GNE: variants seen among roughly 807,000 people sequenced by gnomAD.
GNE encodes the protein bifunctional UDP-N-acetylglucosamine 2-epimerase/N-acetylmannosamine kinase.
In GNE, 41 loss-of-function variants were observed where a neutral mutation model predicts 61.8. The ratio of observed to expected loss-of-function variants is 0.66; its 90% CI spans 0.52 to 0.86. The LOEUF (loss-of-function observed/expected upper bound fraction) is 0.86. GNE is among the 40% of genes least tolerant of loss of function. GNE has a pLI of 0.00. For missense variants in GNE, 608 were observed against 909.1 expected, an observed-to-expected ratio of 0.67 and a Z score of 4.26; for synonymous variants, 264 against 326.4, an observed-to-expected ratio of 0.81 and a Z score of 2.06.
At chr9:36,260,865 T>C (rs1281988441), upstream of GNE, among the ~76,000 whole-genome samples, 6 of 48,560 alleles carry the variant, frequency 1.2e-4, 1 homozygote, top group Admixed American at 1.7e-3. Flanking sequence ...CGAGACTCTA[T>C]CTCAAAAAAA....
intron 1 of GNE, among the ~76,000 whole-genome samples, chr9:36,271,390 T>C (rs1831023623): frequency 6.6e-6 from 1 of 152,238 alleles, no homozygotes; most frequent in African/African-American, 2.4e-5. Flanking sequence ...TCATTTTGTT[T>C]TGAGACCGAG....
chr9:36,232,335 CG>C (rs1563937143), intron 5 of GNE, among the ~76,000 whole-genome samples: 25 of 91,950 alleles, frequency 2.7e-4, no homozygotes, highest in African/African-American at 7.6e-4. Context: ...CTTGCCCCCC[CG>C]CCCCCCCTCC....
intron 5 of GNE, among the ~76,000 whole-genome samples, chr9:36,232,345 C>A (rs672015): frequency 0.51 from 64,045 of 125,162 alleles, 14,398 homozygotes; most frequent in Middle Eastern, 0.59. Flanking sequence ...CGCCCCCCCT[C>A]CCGACATTCC....
intron 3 of GNE, among the ~76,000 whole-genome samples, chr9:36,244,721 A>G (rs953293794): frequency 6.7e-6 from 1 of 148,846 alleles, no homozygotes; most frequent in African/African-American, 2.5e-5. Flanking sequence ...GCGGATTATG[A>G]GGTCAGGAGT....
Position 36,218,093 on chromosome 9 carries a change from G to C in GNE, c.1933+90C>G. The C allele has an allele frequency of 1.2e-6, 1 of 863,496 alleles. No homozygotes were observed. The highest frequency in any genetic ancestry group is 2.0e-6 in the Non-Finnish European group (1 of 496,810). 53.5% of individuals were successfully genotyped at this position (863,496 alleles called of 1,614,324 possible). ...AGACACTGCAAAGCACCTGTCCCTA[G>C]GGAAGCAGGGTCTCTTCTGGGGCCG... On this transcript the variant is annotated intron_variant, in intron 11 of 11. Transcript: ENST00000642385. This position sits in a 1 kb window ranked among gnomAD's most constrained non-coding sequence, Gnocchi z 4.1.
chr9:36,263,331 C>T (rs373598683), upstream of GNE: 10 of 222,878 alleles, frequency 4.5e-5, no homozygotes, highest in East Asian at 8.2e-4. Context: ...TCACCGCGCC[C>T]GGCTAATTTT....
chr9:36,234,656 T>C (rs1829319970), intron 4 of GNE, among the ~76,000 whole-genome samples: 1 of 152,086 alleles, frequency 6.6e-6, no homozygotes. Flanking sequence ...CATGACTTAA[T>C]AAAAATTTAA....
intron 1 of GNE, among the ~76,000 whole-genome samples, chr9:36,269,957 C>T (rs1365400868): frequency 2.0e-5 from 3 of 152,112 alleles, no homozygotes; most frequent in South Asian, 2.1e-4. Flanking sequence ...CCACCGCGCC[C>T]GGCCGGTTGT....
upstream of GNE, chr9:36,258,484 G>T: frequency 3.0e-6 from 3 of 985,532 alleles, no homozygotes; most frequent in Non-Finnish European, 3.6e-6. Flanking sequence ...CTCCTCGCTC[G>T]CCCAGCCACG....
chr9:36,224,681 G>A (rs376709981), intron 7 of GNE, among the ~76,000 whole-genome samples: 9 of 152,008 alleles, frequency 5.9e-5, no homozygotes, highest in East Asian at 1.9e-4. Context: ...ACCAGCCTGC[G>A]CAATAAGAGG....
chr9:36,215,755 C>G lies in GNE; in HGVS notation c.*1610G>C, dbSNP rs1277840734. On this transcript the variant is annotated 3_prime_UTR_variant, in exon 12 of 12. Coordinates refer to ENST00000642385, the MANE Select transcript of GNE (RefSeq NM_005476.7). ...CCAAGTTAACAATTCATAGCCAGAA[C>G]TTTGGCTTTTGTATTTTGACACCAA... 1 of 152,374 alleles carries G rather than the reference C, an allele frequency of 6.6e-6. No individual in the cohort carries two copies. Among genetic ancestry groups the G allele is most frequent in the Non-Finnish European group, 1.5e-5 (1 of 68,210 alleles). 9.4% of individuals were successfully genotyped at this position (152,374 alleles called of 1,614,324 possible).
At chr9:36,264,010 T>G (rs1587376027) in intron 1 of GNE, among the ~76,000 whole-genome samples, 1 of 152,164 alleles carries the variant, frequency 6.6e-6, no homozygotes, top group Admixed American at 6.5e-5. Flanking sequence ...CAGATAGCTG[T>G]GAGAGGTAGC....
intron 6 of GNE, 146 bp downstream of exon 6, chr9:36,228,875 C>A: frequency 1.4e-6 from 1 of 707,664 alleles, no homozygotes; most frequent in South Asian, 1.5e-5. Context: ...ATGATATTAG[C>A]AATCCCTGTC....
intron 3 of GNE, among the ~76,000 whole-genome samples, chr9:36,242,150 T>C (rs936286866): frequency 3.4e-5 from 4 of 117,958 alleles, no homozygotes; most frequent in Non-Finnish European, 7.9e-5. Context: ...AGCAAGACTC[T>C]GTCTCAAAAA....
At chr9:36,256,939 G>C (rs1357680061) in intron 1 of GNE, among the ~76,000 whole-genome samples, 2 of 152,204 alleles carry the variant, frequency 1.3e-5, no homozygotes, top group East Asian at 3.9e-4. Context: ...AGGCGCGGTG[G>C]CTGACGCCTG....
At chr9:36,269,684 C>T (rs188358115) in intron 1 of GNE, among the ~76,000 whole-genome samples, 2,311 of 74,598 alleles carry the variant, frequency 0.031, 74 homozygotes, top group African/African-American at 0.094. Context: ...TTTTTTGAGA[C>T]GGAGTCTCGC....
At chr9:36,224,000 C>T (rs1463327150) in intron 7 of GNE, among the ~76,000 whole-genome samples, 1 of 152,038 alleles carries the variant, frequency 6.6e-6, no homozygotes, top group African/African-American at 2.4e-5. Context: ...AATCCGCCTG[C>T]CTCGGCCTCC....
In GNE at chr9:36,249,331, T is replaced by C. The variant is rs569566694; in HGVS notation, c.25A>G (p.Lys9Glu). 6.2e-7 allele frequency: 1 copy of C among 1,614,046 alleles called. No individual in the cohort carries two copies. ...CAAGTAGCAACACAAACCCGCAGCTTTCGGTTATTTCCATTCTTCTCCATG... is the reference window on the plus strand; with the variant it reads ...CAAGTAGCAACACAAACCCGCAGCTCTCGGTTATTTCCATTCTTCTCCATG... MEKNGNNR[K>E]LRVCVATCNR... Residue 9 changes from lysine to glutamate, a missense_variant, in exon 2 of 12, where the codon AAG becomes GAG. By Grantham distance (56) the Lys-to-Glu change is moderately conservative (BLOSUM62 1). Coordinates refer to ENST00000642385, the MANE Select transcript of GNE (RefSeq NM_005476.7).
Position 36,219,499 on chromosome 9 carries a change from T to TCATATA in GNE, c.1816+338_1816+339insTATATG, listed in dbSNP as rs1289181151. 5.9e-5 allele frequency among the ~76,000 whole-genome samples: 9 copies of TCATATA among 152,346 alleles called. No homozygotes were observed. The East Asian group carries it at 1.7e-3, about 29-fold the overall frequency. ...ACTACACATACAGTGCATGTATGTG[T>TCATATA]GATATATACATAACATGTTTTGTCC... On this transcript the variant is annotated intron_variant, in intron 10 of 11. Transcript: ENST00000642385.
Sources: gnomAD v4.1 joint callset for allele counts (sites outside exome capture counted in the v4.1 genomes callset) on GRCh38, gnomAD v4.1.1 for gene constraint, Gnocchi (gnomAD v3.1) non-coding constraint, MANE v1.5 for transcripts, NCBI Gene and HGNC (gene_info 2026-07-23, HGNC 2026-07-21) for gene names.